The following HHLA1 variants were observed in gnomAD, a reference collection of about 807,000 sequenced individuals.
The protein encoded by HHLA1 is HERV-H LTR-associating protein 1.
HHLA1 carries 72 observed loss-of-function variants against 69.9 expected under a neutral mutation model. The ratio of observed to expected loss-of-function variants is 1.03; its 90% CI spans 0.85 to 1.25. The LOEUF (loss-of-function observed/expected upper bound fraction) is 1.25, where lower values mean the gene tolerates loss of function less well. HHLA1 is among the 50% of genes most tolerant of loss of function. The pLI is 0.00. For synonymous variants in HHLA1, 252 were observed against 233.2 expected, an observed-to-expected ratio of 1.08 and a Z score of -0.73; for missense variants, 685 against 642.2, an observed-to-expected ratio of 1.07 and a Z score of -0.72.
chr8:132,073,764 T>A (rs1171793608), intron 14 of HHLA1, among the ~76,000 whole-genome samples: 1 of 152,194 alleles, frequency 6.6e-6, no homozygotes, highest in Non-Finnish European at 1.5e-5. Context: ...ATTCACTTAG[T>A]TGCTCAAACT....
intron 14 of HHLA1, among the ~76,000 whole-genome samples, chr8:132,073,339 A>G (rs1411506696): frequency 6.6e-6 from 1 of 152,182 alleles, no homozygotes; most frequent in Non-Finnish European, 1.5e-5. Flanking sequence ...CTTTTTAAGA[A>G]GGTAGAAAGA....
intron 15 of HHLA1, chr8:132,070,393 TAGAC>T: frequency 1.4e-6 from 1 of 702,040 alleles, no homozygotes; most frequent in Non-Finnish European, 2.6e-6. Flanking sequence ...GGAATTTAGA[TAGAC>T]ATATCTTCTA....
At chr8:132,088,228 C>T (rs1331214419) in intron 8 of HHLA1, among the ~76,000 whole-genome samples, 1 of 152,132 alleles carries the variant, frequency 6.6e-6, no homozygotes, top group Non-Finnish European at 1.5e-5. Context: ...GGTGAAAATT[C>T]AAATCCCACA....
intron 3 of HHLA1, among the ~76,000 whole-genome samples, chr8:132,102,264 A>G (rs1016349757): frequency 3.3e-5 from 5 of 152,226 alleles, no homozygotes; most frequent in Admixed American, 6.5e-5. Flanking sequence ...TTAGGTTGCT[A>G]TCTTCTGCTT....
At chr8:132,100,763 G>A (rs1162011035) in intron 3 of HHLA1, among the ~76,000 whole-genome samples, 1 of 152,210 alleles carries the variant, frequency 6.6e-6, no homozygotes, top group Non-Finnish European at 1.5e-5. Flanking sequence ...GTCGTGACAA[G>A]AGAGGAGTGT....
intron 12 of HHLA1, 30 bp from the exon 13 acceptor site, chr8:132,076,573 G>A: frequency 1.5e-5 from 22 of 1,442,202 alleles, no homozygotes; most frequent in Non-Finnish European, 2.0e-5. Flanking sequence ...AGGTGAGCCT[G>A]CATCTCTTCT....
chr8:132,091,528 T>A (rs1239002146), intron 7 of HHLA1, among the ~76,000 whole-genome samples: 1 of 152,232 alleles, frequency 6.6e-6, no homozygotes, highest in Non-Finnish European at 1.5e-5. Flanking sequence ...CCTTTAGAAC[T>A]GTTTTCACAA....
At chr8:132,083,201 T>G (rs1441850083) in intron 10 of HHLA1, among the ~76,000 whole-genome samples, 1 of 152,058 alleles carries the variant, frequency 6.6e-6, no homozygotes, top group Non-Finnish European at 1.5e-5. Flanking sequence ...AGTTAAAGTA[T>G]CTCAGCCTAA....
At chr8:132,103,863 G>A (rs1258792099) in intron 3 of HHLA1, among the ~76,000 whole-genome samples, 1 of 152,132 alleles carries the variant, frequency 6.6e-6, no homozygotes, top group Non-Finnish European at 1.5e-5. Context: ...GCAAGTAACG[G>A]TACCCCCCAT....
intron 10 of HHLA1, among the ~76,000 whole-genome samples, chr8:132,084,314 G>A (rs1480448232): frequency 2.6e-5 from 4 of 152,002 alleles, no homozygotes; most frequent in Non-Finnish European, 5.9e-5. Flanking sequence ...GAAGGGAGAG[G>A]TCAGATGGGT....
chr8:132,097,161 C>A (rs550789741), intron 5 of HHLA1, among the ~76,000 whole-genome samples: 1 of 152,120 alleles, frequency 6.6e-6, no homozygotes, highest in Non-Finnish European at 1.5e-5. Context: ...TTAATAAGCT[C>A]CTTAGAAGAA....
Position 132,089,537 on chromosome 8 carries a change from T to TA in HHLA1, c.510dup (p.Lys171Ter). 6.6e-7 allele frequency: 1 copy of TA among 1,525,686 alleles called. No individual in the cohort carries two copies. The highest frequency in any genetic ancestry group is 8.9e-7 in the Non-Finnish European group (1 of 1,123,250). The allele number at this position is 1,525,686 out of a possible 1,614,324, so 94.5% of individuals were successfully genotyped here. On this transcript the variant is annotated frameshift_variant, in exon 8 of 17. Transcript: ENST00000414222. LOFTEE classifies it high-confidence loss of function. ...ACACCTGAGAGGATGGAGGTTGACT[T>TA]AAAAATCTCTGTGAGGTAGCTGGTA...
intron 15 of HHLA1, among the ~76,000 whole-genome samples, chr8:132,068,674 C>A (rs1171988632): frequency 6.6e-6 from 1 of 152,204 alleles, no homozygotes; most frequent in African/African-American, 2.4e-5. Flanking sequence ...GTATGTCTAT[C>A]TAAATTCCTA....
At chr8:132,086,501 G>C (rs576547007) in intron 10 of HHLA1, among the ~76,000 whole-genome samples, 1 of 152,318 alleles carries the variant, frequency 6.6e-6, no homozygotes, top group African/African-American at 2.4e-5. Flanking sequence ...CACTCAGCCA[G>C]GTACTTGCTT....
intron 14 of HHLA1, among the ~76,000 whole-genome samples, chr8:132,071,921 CAT>C (rs1424863378): frequency 1.3e-5 from 2 of 151,642 alleles, no homozygotes; most frequent in African/African-American, 4.8e-5. Flanking sequence ...GTGCAGGGTA[CAT>C]GTGTGTGCAT....
At chr8:132,082,051 G>A (rs1260421364) in intron 10 of HHLA1, among the ~76,000 whole-genome samples, 1 of 152,164 alleles carries the variant, frequency 6.6e-6, no homozygotes. Context: ...TGAATGTCAG[G>A]TGGATCAGAG....
At position 132,071,383 on chromosome 8, in the gene HHLA1, A is replaced by G. The variant is rs766820638; in HGVS notation, c.1426T>C (p.Cys476Arg). The part of the protein sequence containing the change: ...LMELCQFFQQ[C>R]LCMSQRSPRT... ...GGACTCCTCTGGCTCATGCAGAGGCATTGCTGGAAGAATTGGCACAGCTCC... is the reference window on the plus strand; with the variant it reads ...GGACTCCTCTGGCTCATGCAGAGGCGTTGCTGGAAGAATTGGCACAGCTCC... The change falls in exon 15 of 17, where the codon TGC becomes CGC. Residue 476 changes from cysteine (C) to arginine (R), a missense_variant. Transcript: ENST00000414222. The G allele has an allele frequency of 2.8e-5, 44 of 1,551,562 alleles. No individual in the cohort carries two copies. The South Asian group carries it at 5.1e-4, about 18-fold the overall frequency.
intron 10 of HHLA1, among the ~76,000 whole-genome samples, chr8:132,081,294 G>T (rs1823749055): frequency 1.3e-5 from 2 of 152,172 alleles, no homozygotes; most frequent in African/African-American, 4.8e-5. Flanking sequence ...CTGGTGTCTG[G>T]AATGAGAAGC....
rs766660322 is a variant in HHLA1 at position 132,076,097 on chromosome 8, C to T, written c.1273G>A (p.Gly425Ser). 1 of 1,551,374 alleles carries T rather than the reference C, an allele frequency of 6.4e-7. No homozygotes were observed. The part of the protein sequence containing the change: ...DLSAEWPFTA[G>S]EEPVLVPRPH... ...CTTGGGACCAGGACTGGCTCTTCACCAGCAGTGAATGGCCACTCTGCAGAG... is the reference window on the plus strand; with the variant it reads ...CTTGGGACCAGGACTGGCTCTTCACTAGCAGTGAATGGCCACTCTGCAGAG... The change falls in exon 14 of 17, where the codon GGT becomes AGT. Residue 425 changes from glycine to serine, a missense_variant. By Grantham distance (56) the Gly-to-Ser change is moderately conservative (BLOSUM62 0). Coordinates refer to ENST00000414222, the MANE Select transcript of HHLA1 (RefSeq NM_001145095.3).
Sources: gnomAD v4.1 joint callset for allele counts (sites outside exome capture counted in the v4.1 genomes callset) on GRCh38, gnomAD v4.1.1 for gene constraint, MANE v1.5 for transcripts, NCBI Gene and HGNC (gene_info 2026-07-23, HGNC 2026-07-21) for gene names.